The following DNAI7 variants were observed in gnomAD, a reference collection of about 807,000 sequenced individuals.
The protein encoded by DNAI7 is cancer susceptibility 1.
DNAI7 carries 78 observed loss-of-function variants against 86.6 expected under a neutral mutation model. The ratio of observed to expected loss-of-function variants is 0.90; its 90% CI spans 0.75 to 1.09. The LOEUF (loss-of-function observed/expected upper bound fraction) is 1.09, where lower values mean the gene tolerates loss of function less well. DNAI7 is among the 50% of genes least tolerant of loss of function. The probability of loss-of-function intolerance (pLI) is 0.00; values close to 1 mark genes in which losing one functional copy is unlikely to be tolerated. For missense variants in DNAI7, 753 were observed against 810.2 expected, an observed-to-expected ratio of 0.93 and a Z score of 0.86; for synonymous variants, 274 against 273.0, an observed-to-expected ratio of 1.00 and a Z score of -0.04.
chr12:25,176,874 C>T (rs1036150006), intron 2 of DNAI7, among the ~76,000 whole-genome samples: 2 of 148,154 alleles, frequency 1.3e-5, no homozygotes, highest in African/African-American at 5.0e-5. Context: ...GTATACATAA[C>T]ATAAAATTTA....
chr12:25,194,766 A>C, intron 1 of DNAI7: 1 of 946,106 alleles, frequency 1.1e-6, no homozygotes. Flanking sequence ...GGGAACGTCT[A>C]TCACTACTGA....
At chr12:25,128,482 C>T (rs1260649351) in intron 9 of DNAI7, among the ~76,000 whole-genome samples, 1 of 152,168 alleles carries the variant, frequency 6.6e-6, no homozygotes, top group African/African-American at 2.4e-5. Context: ...AAGTTCAGAA[C>T]ATAACCTGCA....
intron 2 of DNAI7, among the ~76,000 whole-genome samples, chr12:25,164,566 G>A (rs1947217402): frequency 1.3e-5 from 2 of 152,038 alleles, no homozygotes; most frequent in African/African-American, 4.8e-5. Context: ...CCAAAAAATG[G>A]CAGTTTCAAT....
chr12:25,136,403 G>C (rs552351400), intron 9 of DNAI7, among the ~76,000 whole-genome samples: 43 of 152,302 alleles, frequency 2.8e-4, no homozygotes, highest in African/African-American at 9.6e-4. Context: ...AAATGAATCT[G>C]AAAAGCAGCC....
intron 2 of DNAI7, among the ~76,000 whole-genome samples, chr12:25,172,998 T>A (rs1948307931): frequency 6.6e-6 from 1 of 152,112 alleles, no homozygotes; most frequent in South Asian, 2.1e-4. Flanking sequence ...ACTATAAAAA[T>A]TCTAGATGAT....
intron 4 of DNAI7, among the ~76,000 whole-genome samples, chr12:25,155,887 A>G (rs1379386952): frequency 6.6e-6 from 1 of 152,216 alleles, no homozygotes; most frequent in Non-Finnish European, 1.5e-5. Context: ...AGGCAGGCGG[A>G]TCACTTGAGG....
chr12:25,124,401 T>C (rs1469606654), intron 9 of DNAI7, among the ~76,000 whole-genome samples: 1 of 152,128 alleles, frequency 6.6e-6, no homozygotes, highest in East Asian at 1.9e-4. Context: ...GTGGCATTGC[T>C]AGACACTGGC....
At chr12:25,118,753 G>A (rs146913891) in intron 12 of DNAI7, among the ~76,000 whole-genome samples, 1 of 151,924 alleles carries the variant, frequency 6.6e-6, no homozygotes, top group Non-Finnish European at 1.5e-5. Context: ...TAGTAGAGAG[G>A]TGGGGTTTCA....
At chr12:25,151,698 T>C (rs1945565376) in intron 6 of DNAI7, among the ~76,000 whole-genome samples, 1 of 152,198 alleles carries the variant, frequency 6.6e-6, no homozygotes, top group African/African-American at 2.4e-5. Flanking sequence ...GTATGATTAA[T>C]CCACAGGCAT....
At chr12:25,116,221 T>C (rs1165489253) in intron 12 of DNAI7, among the ~76,000 whole-genome samples, 1 of 152,098 alleles carries the variant, frequency 6.6e-6, no homozygotes, top group Non-Finnish European at 1.5e-5. Flanking sequence ...TTGACAAGTT[T>C]TTACTCTTAA....
At chr12:25,162,892 G>A (rs1169005700) in intron 2 of DNAI7, among the ~76,000 whole-genome samples, 1 of 152,094 alleles carries the variant, frequency 6.6e-6, no homozygotes, top group Admixed American at 6.5e-5. Context: ...ACACACATGG[G>A]CTCAAATTTA....
rs111712048 is a variant in DNAI7, at chr12:25,112,592, G to C, written c.1612-653C>G. Among the ~76,000 whole-genome samples the C allele has an allele frequency of 2.7e-3, 414 of 151,910 alleles. 2 individuals carry two copies. Among genetic ancestry groups the C allele is most frequent in the African/African-American group, 5.2e-3 (214 of 41,436 alleles). Reference sequence around the variant, plus strand: ...CGGCTAATTTTTTGTATTTTTAGTAGAGACAGGGTTTCACCGTGTTAGCCA... The same window carrying C: ...CGGCTAATTTTTTGTATTTTTAGTACAGACAGGGTTTCACCGTGTTAGCCA... On this transcript the variant is annotated intron_variant, in intron 13 of 15. Transcript: ENST00000395987.
At chr12:25,157,277 C>CAA (rs34695125) in intron 4 of DNAI7, among the ~76,000 whole-genome samples, 66 of 88,972 alleles carry the variant, frequency 7.4e-4, no homozygotes, top group Middle Eastern at 0.014. Context: ...GACTCCGTCT[C>CAA]AAAAAAAAAA....
intron 2 of DNAI7, among the ~76,000 whole-genome samples, chr12:25,189,419 T>G (rs1950310323): frequency 6.6e-6 from 1 of 152,154 alleles, no homozygotes; most frequent in South Asian, 2.1e-4. Flanking sequence ...GGCCGGCAGA[T>G]CACTTGAGGT....
intron 3 of DNAI7, among the ~76,000 whole-genome samples, chr12:25,160,655 T>C (rs943519730): frequency 2.6e-5 from 4 of 152,206 alleles, no homozygotes; most frequent in African/African-American, 9.6e-5. Context: ...TTCCCCTCCC[T>C]TGTCCAAGTG....
At chr12:25,185,024 T>C (rs1038915102) in intron 2 of DNAI7, among the ~76,000 whole-genome samples, 11 of 151,072 alleles carry the variant, frequency 7.3e-5, no homozygotes, top group African/African-American at 2.4e-4. Context: ...CACATGGTTG[T>C]AGTCTCAGGA....
intron 7 of DNAI7, among the ~76,000 whole-genome samples, chr12:25,149,362 T>C (rs1945232309): frequency 6.6e-6 from 1 of 152,146 alleles, no homozygotes; most frequent in South Asian, 2.1e-4. Context: ...AAAGACTGTT[T>C]GTGTCCAGAA....
chr12:25,123,172 C>T, intron 10 of DNAI7, 39 bp downstream of exon 10: 1 of 1,311,134 alleles, frequency 7.6e-7, no homozygotes, highest in South Asian at 1.3e-5. Flanking sequence ...AGAAGAAAAT[C>T]TCAATAAAGT....
intron 13 of DNAI7, among the ~76,000 whole-genome samples, chr12:25,113,999 G>A (rs966897556): frequency 6.5e-5 from 9 of 138,218 alleles, no homozygotes; most frequent in African/African-American, 2.5e-4. Flanking sequence ...AGGCTGGAGT[G>A]CAGTGGTACG....
Sources: gnomAD v4.1 joint callset for allele counts (sites outside exome capture counted in the v4.1 genomes callset) on GRCh38, gnomAD v4.1.1 for gene constraint, MANE v1.5 for transcripts, NCBI Gene and HGNC (gene_info 2026-07-23, HGNC 2026-07-21) for gene names.